PTPRK: variants seen among roughly 807,000 people sequenced by gnomAD.
The protein encoded by PTPRK is protein tyrosine phosphatase receptor type K.
In PTPRK, 75 loss-of-function variants were observed where a neutral mutation model predicts 178.0. The observed-to-expected ratio is 0.42, with a 90% CI of 0.35 to 0.51. The LOEUF (loss-of-function observed/expected upper bound fraction) is 0.51. Among genes scored for constraint, PTPRK ranks in the 20% least tolerant of loss-of-function variants. The pLI is 0.02. For synonymous variants in PTPRK, 637 were observed against 620.6 expected (o/e 1.03, Z -0.39); for missense variants, 1,441 against 1,797.8 (o/e 0.80, Z 3.59).
At chr6:128,124,397 A>C (rs2114417327) in intron 7 of PTPRK, among the ~76,000 whole-genome samples, 1 of 152,234 alleles carries the variant, frequency 6.6e-6, no homozygotes. Context: ...AATCATATAA[A>C]CATATCTGTT....
At chr6:128,108,441 C>T (rs968813281) in intron 7 of PTPRK, among the ~76,000 whole-genome samples, 6 of 152,158 alleles carry the variant, frequency 3.9e-5, no homozygotes, top group African/African-American at 1.4e-4. Context: ...CCCATAAGAA[C>T]TCTAAATGGC....
chr6:128,383,210 C>T (rs575307454), intron 2 of PTPRK, among the ~76,000 whole-genome samples: 45 of 152,198 alleles, frequency 3.0e-4, no homozygotes, highest in Admixed American at 2.9e-3. Flanking sequence ...ATGTTCTTGT[C>T]ACAATAGCAT....
intron 6 of PTPRK, among the ~76,000 whole-genome samples, chr6:128,200,925 GA>G (rs1805827741): frequency 9.4e-6 from 1 of 106,476 alleles, no homozygotes; most frequent in African/African-American, 3.5e-5. Flanking sequence ...GGGAGGGAGG[GA>G]GGGGAAGGGA....
intron 1 of PTPRK, among the ~76,000 whole-genome samples, chr6:128,444,348 T>C (rs184247979): frequency 6.6e-6 from 1 of 152,280 alleles, no homozygotes; most frequent in East Asian, 1.9e-4. Context: ...CCACCCTGGC[T>C]TGCCTTTAGC....
intron 7 of PTPRK, among the ~76,000 whole-genome samples, chr6:128,119,497 A>G (rs1263139741): frequency 6.6e-6 from 1 of 152,088 alleles, no homozygotes; most frequent in Non-Finnish European, 1.5e-5. Context: ...ATATAATAGA[A>G]GTTTGAAAAT....
chr6:128,497,705 T>A (rs1037245105), intron 1 of PTPRK, among the ~76,000 whole-genome samples: 1 of 152,140 alleles, frequency 6.6e-6, no homozygotes, highest in African/African-American at 2.4e-5. Flanking sequence ...TGTTAATACA[T>A]CCATATTTTG....
chr6:128,231,032 T>C (rs906207058), intron 5 of PTPRK, among the ~76,000 whole-genome samples: 1 of 152,174 alleles, frequency 6.6e-6, no homozygotes, highest in South Asian at 2.1e-4. Context: ...GGAAGCCACA[T>C]AAAATCAACC....
chr6:128,225,655 C>A (rs1811169879), intron 5 of PTPRK, among the ~76,000 whole-genome samples: 1 of 151,888 alleles, frequency 6.6e-6, no homozygotes, highest in Non-Finnish European at 1.5e-5. Context: ...TCACAGAAAA[C>A]TTAAATTTAG....
chr6:128,146,396 G>T (rs1447909276), intron 7 of PTPRK, among the ~76,000 whole-genome samples: 1 of 151,254 alleles, frequency 6.6e-6, no homozygotes, highest in Non-Finnish European at 1.5e-5. Flanking sequence ...CATACTGTTT[G>T]TGTGTGTGTT....
intron 2 of PTPRK, among the ~76,000 whole-genome samples, chr6:128,363,189 A>G (rs1367288608): frequency 6.6e-6 from 1 of 152,128 alleles, no homozygotes; most frequent in Non-Finnish European, 1.5e-5. Context: ...TTGCAGTTAG[A>G]TGGTATAATG....
chr6:128,215,245 G>T (rs1809052378), intron 6 of PTPRK, among the ~76,000 whole-genome samples: 1 of 152,168 alleles, frequency 6.6e-6, no homozygotes, highest in African/African-American at 2.4e-5. Flanking sequence ...GATGTAAGTG[G>T]GTCTTCGGTT....
chr6:128,382,715 C>T (rs759661521), intron 2 of PTPRK, among the ~76,000 whole-genome samples: 3 of 152,116 alleles, frequency 2.0e-5, no homozygotes, highest in African/African-American at 4.8e-5. Context: ...GCTGGAATTA[C>T]AGGTGTTAGC....
chr6:128,514,131 C>T lies in PTPRK; in HGVS notation c.100+6128G>A, dbSNP rs189982285. On this transcript the variant is annotated intron_variant, in intron 1 of 29. Transcript: ENST00000368226. The stretch of plus-strand genomic sequence containing the variant: ...TGGGAAGGGTTTATATTAATAGATA[C>T]CAATCTGGAGAAAGATTTATTATTT... Among the ~76,000 whole-genome samples the T allele has an allele frequency of 5.3e-5, 8 of 152,168 alleles. No individual in the cohort carries two copies. In the East Asian group the frequency reaches 5.8e-4, roughly 11 times the overall value.
chr6:128,435,295 T>G (rs1266457589), intron 1 of PTPRK, among the ~76,000 whole-genome samples: 1 of 152,176 alleles, frequency 6.6e-6, no homozygotes, highest in Non-Finnish European at 1.5e-5. Context: ...ATTTCAAACT[T>G]TATAATTTTC....
intron 3 of PTPRK, among the ~76,000 whole-genome samples, chr6:128,315,662 T>C (rs549739100): frequency 2.0e-5 from 3 of 152,300 alleles, no homozygotes; most frequent in African/African-American, 7.2e-5. Flanking sequence ...TTCTATGTAA[T>C]ATTATGTAAT....
At chr6:128,451,198 T>A (rs138182328) in intron 1 of PTPRK, among the ~76,000 whole-genome samples, 1,605 of 152,314 alleles carry the variant, frequency 0.011, 6 homozygotes, top group Middle Eastern at 0.034. Context: ...TAATGAAATA[T>A]GCCAACGTGG....
At chr6:128,178,935 T>C (rs182633968) in intron 7 of PTPRK, among the ~76,000 whole-genome samples, 14 of 152,040 alleles carry the variant, frequency 9.2e-5, no homozygotes, top group Middle Eastern at 3.4e-3. Flanking sequence ...ATTTGCAGTC[T>C]ACCTGAAAAT....
At chr6:128,184,868 G>A in intron 6 of PTPRK, 143 bp from the exon 7 acceptor site, 3 of 865,724 alleles carry the variant, frequency 3.5e-6, no homozygotes, top group Non-Finnish European at 5.1e-6. Context: ...GAAGACGCAT[G>A]ATCTGACAAC....
chr6:128,072,479 A>G (rs1467990255), intron 11 of PTPRK, among the ~76,000 whole-genome samples: 1 of 152,004 alleles, frequency 6.6e-6, no homozygotes, highest in African/African-American at 2.4e-5. Context: ...GTTTTATAAT[A>G]AAGTGTTTAA....
Sources: gnomAD v4.1 joint callset for allele counts (sites outside exome capture counted in the v4.1 genomes callset) on GRCh38, gnomAD v4.1.1 for gene constraint, MANE v1.5 for transcripts, NCBI Gene and HGNC (gene_info 2026-07-23, HGNC 2026-07-21) for gene names.